Variants in HIVEP1 observed in about 807,000 individuals in gnomAD.
The protein encoded by HIVEP1 is HIVEP zinc finger 1, also known as zinc finger protein 40.
A neutral mutation model predicts 180.0 loss-of-function variants in HIVEP1; 36 were observed. The ratio of observed to expected loss-of-function variants is 0.20; its 90% CI spans 0.15 to 0.26. The LOEUF (loss-of-function observed/expected upper bound fraction) is 0.26, where lower values mean the gene tolerates loss of function less well. HIVEP1 is among the 10% of genes least tolerant of loss of function. The pLI is 1.00. For synonymous variants in HIVEP1, 1,239 were observed against 1,239.0 expected, an observed-to-expected ratio of 1.00 and a Z score of 0.00; for missense variants, 3,143 against 3,268.7, an observed-to-expected ratio of 0.96 and a Z score of 0.94.
Position 12,122,851 on chromosome 6 carries a change from C to T in HIVEP1, c.3056C>T (p.Ser1019Phe). Residue 1019 changes from serine (S) to phenylalanine (F), a missense_variant, in exon 4 of 9, where the codon TCC becomes TTC. Around this residue, in one of 12 missense-constraint regions of HIVEP1, gnomAD observed 1,357 missense variants for 1,260.5 expected, o/e 1.08. Transcript: ENST00000379388. ...QILHYRVAGS[S>F]GIWEQTPQIR... ...CTACACTACAGAGTCGCTGGGTCCT[C>T]CGGCATCTGGGAACAGACGCCCCAG... is the stretch of plus-strand genomic sequence containing the variant. 1.2e-6 allele frequency: 2 copies of T among 1,614,114 alleles called. No individual in the cohort carries two copies. The highest frequency in any genetic ancestry group is 1.7e-6 in the Non-Finnish European group (2 of 1,180,014).
the HIVEP1 span, among the ~76,000 whole-genome samples, chr6:12,171,150 C>T: frequency 2.0e-5 from 3 of 152,140 alleles, no homozygotes; most frequent in Non-Finnish European, 4.4e-5. Flanking sequence ...TCAGTATGTG[C>T]CACCCTCATC....
chr6:12,116,855 C>T (rs188165710), intron 3 of HIVEP1, among the ~76,000 whole-genome samples: 1 of 152,228 alleles, frequency 6.6e-6, no homozygotes, highest in East Asian at 1.9e-4. Flanking sequence ...TCCAGAAACA[C>T]AAGTGTTTTT....
intron 7 of HIVEP1, among the ~76,000 whole-genome samples, chr6:12,156,808 AG>A (rs1172607084): frequency 6.6e-6 from 1 of 152,210 alleles, no homozygotes; most frequent in Non-Finnish European, 1.5e-5. Flanking sequence ...TTATATAAAA[AG>A]TATGTTCTGC....
At chr6:12,013,208 T>TC (rs66666410) in intron 1 of HIVEP1, among the ~76,000 whole-genome samples, 26 of 151,950 alleles carry the variant, frequency 1.7e-4, no homozygotes, top group African/African-American at 5.8e-4. Flanking sequence ...GCACTTCCAT[T>TC]CCCCCCCTCC....
the HIVEP1 span, among the ~76,000 whole-genome samples, chr6:12,203,845 G>C: frequency 6.6e-6 from 1 of 152,168 alleles, no homozygotes; most frequent in Admixed American, 6.5e-5. Context: ...GGGGGGCCAA[G>C]GCAAGTGGAT....
chr6:12,080,650 T>C (rs1772727975), intron 2 of HIVEP1, among the ~76,000 whole-genome samples: 1 of 152,186 alleles, frequency 6.6e-6, no homozygotes, highest in Non-Finnish European at 1.5e-5. Flanking sequence ...GTGGACCTCA[T>C]ATCTACTTTT....
chr6:12,114,262 T>A (rs958964169), intron 3 of HIVEP1, among the ~76,000 whole-genome samples: 2 of 152,350 alleles, frequency 1.3e-5, no homozygotes, highest in African/African-American at 4.8e-5. Context: ...GATAATGATG[T>A]CTTCCTAGTC....
At position 12,124,746 on chromosome 6, in the gene HIVEP1, A is replaced by G. The variant is rs1757946936; in HGVS notation, c.4951A>G (p.Thr1651Ala). Residue 1651 changes from threonine to alanine, a missense_variant, in exon 4 of 9, where the codon ACA becomes GCA. By Grantham distance (58) the Thr-to-Ala change is moderately conservative. Transcript: ENST00000379388. ...TAGTGTTCCTGCTTACTGTTTTGCT[A>G]CACTCACATCCCTGCCACAAATACT... ...QSSVPAYCFATLTSLPQILVT... is the reference protein window; with the variant it reads ...QSSVPAYCFAALTSLPQILVT... The G allele has an allele frequency of 1.2e-6, 2 of 1,614,142 alleles. No homozygotes were observed. The highest frequency in any genetic ancestry group is 1.7e-4 in the Middle Eastern group (1 of 6,058).
chr6:12,063,820 T>C lies in HIVEP1; in HGVS notation c.41-25364T>C, dbSNP rs1216862839. 1.3e-5 allele frequency among the ~76,000 whole-genome samples: 2 copies of C among 152,140 alleles called. No homozygotes were observed. The highest frequency in any genetic ancestry group is 4.8e-5 in the African/African-American group (2 of 41,426). The stretch of plus-strand genomic sequence containing the variant: ...TGTACCAGCTTCACCATGCATGAGA[T>C]TCACATATGTTTCTTAGTGGTAAAA... On this transcript the variant is annotated intron_variant, in intron 2 of 8. Coordinates refer to ENST00000379388, the MANE Select transcript of HIVEP1 (RefSeq NM_002114.4). The surrounding 1 kb of genome is among the most constrained non-coding windows in gnomAD (Gnocchi z 4.2).
Position 12,015,562 on chromosome 6 carries a change from C to G in HIVEP1, c.-67C>G, listed in dbSNP as rs1474431579. ...ATTGATGTATGTTGAGTTTATGGAG[C>G]TGCCTTTTGGTGGCTTGCTTTATCT... On this transcript the variant is annotated 5_prime_UTR_variant, in exon 2 of 9. Coordinates refer to ENST00000379388, the MANE Select transcript of HIVEP1 (RefSeq NM_002114.4). The G allele has an allele frequency of 7.6e-7, 1 of 1,309,680 alleles. No homozygotes were observed. Among genetic ancestry groups the G allele is most frequent in the African/African-American group, 1.5e-5 (1 of 68,006 alleles). The allele number at this position is 1,309,680 out of a possible 1,614,324, so 81.1% of individuals were successfully genotyped here. A position where few individuals can be genotyped will look rare whatever the true frequency, so the allele number is the denominator to read the frequency against.
intron 2 of HIVEP1, among the ~76,000 whole-genome samples, chr6:12,085,968 T>C (rs575528261): frequency 1.1e-4 from 16 of 152,188 alleles, no homozygotes; most frequent in Non-Finnish European, 5.9e-5. Flanking sequence ...TATGATTATT[T>C]GTGAGTGTTG....
intron 2 of HIVEP1, 96 bp from the exon 3 acceptor site, chr6:12,089,088 G>T: frequency 1.6e-6 from 1 of 606,396 alleles, no homozygotes; most frequent in Admixed American, 3.0e-5. Context: ...TTTTTTACTA[G>T]GTATCTGACA....
At chr6:12,037,157 C>T (rs1003029294) in intron 2 of HIVEP1, among the ~76,000 whole-genome samples, 4 of 151,942 alleles carry the variant, frequency 2.6e-5, no homozygotes, top group African/African-American at 7.3e-5. Context: ...TGTTGAGGCC[C>T]GGGTCTTGGA....
chr6:12,189,145 G>T, the HIVEP1 span, among the ~76,000 whole-genome samples: 39 of 151,636 alleles, frequency 2.6e-4, no homozygotes, highest in Non-Finnish European at 5.9e-5. Flanking sequence ...AAATTAATTT[G>T]AACCCCACCT....
At chr6:12,169,737 AAAAT>A (rs1195541998), downstream of HIVEP1, among the ~76,000 whole-genome samples, 1 of 152,220 alleles carries the variant, frequency 6.6e-6, no homozygotes, top group African/African-American at 2.4e-5. Flanking sequence ...GAGTAGAACA[AAAAT>A]AGTAGTCATG....
intron 2 of HIVEP1, among the ~76,000 whole-genome samples, chr6:12,035,744 C>T (rs1176276719): frequency 6.6e-6 from 1 of 152,098 alleles, no homozygotes; most frequent in Non-Finnish European, 1.5e-5. Context: ...AATCAACATA[C>T]ATTTTCGAGT....
Position 12,121,345 on chromosome 6 carries a change from A to G in HIVEP1, c.1550A>G (p.His517Arg). Residue 517 changes from histidine to arginine, a missense_variant, in exon 4 of 9, where the codon CAC becomes CGC. By Grantham distance (29) the His-to-Arg change is conservative. This residue lies in a region of HIVEP1 where 365 missense variants were observed against 344.4 expected (regional missense o/e 1.06). Coordinates refer to ENST00000379388, the MANE Select transcript of HIVEP1 (RefSeq NM_002114.4). The surrounding 1 kb of genome is among the most constrained non-coding windows in gnomAD (Gnocchi z 5.3). ...GGCGCCATGGAGCTGCAGCCTGTGC[A>G]CATAATAAAGAGGATGTCAAATGCT... ...DLGAMELQPV[H>R]IIKRMSNAET... 6.2e-7 allele frequency: 1 copy of G among 1,614,210 alleles called. No individual in the cohort carries two copies. The highest frequency in any genetic ancestry group is 8.5e-7 in the Non-Finnish European group (1 of 1,180,038).
chr6:12,193,411 T>A, the HIVEP1 span, among the ~76,000 whole-genome samples: 64,989 of 152,126 alleles, frequency 0.43, 14,752 homozygotes, highest in Non-Finnish European at 0.49. Context: ...ATAAATATTT[T>A]TAACACTACT....
At chr6:12,100,434 C>G (rs1774051839) in intron 3 of HIVEP1, among the ~76,000 whole-genome samples, 1 of 152,186 alleles carries the variant, frequency 6.6e-6, no homozygotes, top group South Asian at 2.1e-4. Flanking sequence ...CCACAGCACA[C>G]ATTGCTTGGA....
Sources: gnomAD v4.1 joint callset for allele counts (sites outside exome capture counted in the v4.1 genomes callset) on GRCh38, gnomAD v4.1.1 for gene constraint, gnomAD v4.1.1 regional missense constraint, Gnocchi (gnomAD v3.1) non-coding constraint, MANE v1.5 for transcripts, NCBI Gene and HGNC (gene_info 2026-07-23, HGNC 2026-07-21) for gene names.